The following PDE9A variants were observed in gnomAD, a reference collection of about 807,000 sequenced individuals.
PDE9A encodes phosphodiesterase 9A.
Under a neutral mutation model 87.4 loss-of-function variants are expected in PDE9A, and 60 were observed. That is an observed-to-expected ratio of 0.69 (90% CI 0.56 to 0.85). PDE9A has a LOEUF of 0.85. Among genes scored for constraint, PDE9A ranks in the 40% least tolerant of loss-of-function variants. PDE9A has a pLI of 0.00. For synonymous variants in PDE9A, 272 were observed against 279.4 expected (o/e 0.97, Z 0.27); for missense variants, 665 against 779.0 (o/e 0.85, Z 1.74).
At chr21:42,689,115 C>T (rs1383021576) in intron 3 of PDE9A, among the ~76,000 whole-genome samples, 2 of 149,948 alleles carry the variant, frequency 1.3e-5, no homozygotes, top group East Asian at 2.0e-4. Flanking sequence ...TCCCACTCAG[C>T]GAGGTCCCAG....
intron 3 of PDE9A, among the ~76,000 whole-genome samples, chr21:42,690,395 G>A (rs67390330): frequency 0.1 from 15,790 of 150,806 alleles, 1,148 homozygotes; most frequent in East Asian, 0.34. Context: ...GATCTAGACA[G>A]CGATGTGGAT....
At chr21:42,679,472 C>T (rs1311248521) in intron 1 of PDE9A, among the ~76,000 whole-genome samples, 1 of 152,138 alleles carries the variant, frequency 6.6e-6, no homozygotes, top group East Asian at 1.9e-4. Flanking sequence ...AAGCACCCCC[C>T]AGGAGCTGGA....
chr21:42,666,649 C>A (rs1007142683), intron 1 of PDE9A, among the ~76,000 whole-genome samples: 19 of 152,290 alleles, frequency 1.2e-4, no homozygotes, highest in African/African-American at 4.3e-4. Context: ...ACCTCCTCCC[C>A]GTGTCCATGC....
chr21:42,715,521 G>A (rs2049824870), intron 4 of PDE9A, among the ~76,000 whole-genome samples: 1 of 151,628 alleles, frequency 6.6e-6, no homozygotes, highest in Non-Finnish European at 1.5e-5. Flanking sequence ...CAACTACTTG[G>A]CAGGGGAATC....
At chr21:42,674,355 G>A (rs1366363142) in intron 1 of PDE9A, among the ~76,000 whole-genome samples, 1 of 144,354 alleles carries the variant, frequency 6.9e-6, no homozygotes, top group Admixed American at 7.0e-5. Context: ...TCCATTTGTG[G>A]CCCAGGCTGG....
intron 1 of PDE9A, among the ~76,000 whole-genome samples, chr21:42,667,531 A>AGTGGTGAG (rs2058090528): frequency 6.6e-6 from 1 of 151,890 alleles, no homozygotes; most frequent in Admixed American, 6.6e-5. Flanking sequence ...AAAGGAAGAG[A>AGTGGTGAG]GTGGTGAGGA....
rs1003438856 is a variant in PDE9A at position 42,722,267 on chromosome 21, T to C, written c.263-9503T>C. 6.6e-6 allele frequency among the ~76,000 whole-genome samples: 1 copy of C among 152,202 alleles called. No homozygotes were observed. The highest frequency in any genetic ancestry group is 1.5e-5 in the Non-Finnish European group (1 of 68,028). On this transcript the variant is annotated intron_variant, in intron 4 of 19. Transcript: ENST00000291539. This position sits in a 1 kb window ranked among gnomAD's most constrained non-coding sequence, Gnocchi z 4.1. ...CTGAGATTACAGGCGTGAGCCACCA[T>C]GCCCGTCCAGCAGAGGTATTTTTTC...
At chr21:42,737,754 G>A (rs900329516) in intron 7 of PDE9A, among the ~76,000 whole-genome samples, 1 of 152,198 alleles carries the variant, frequency 6.6e-6, no homozygotes, top group Non-Finnish European at 1.5e-5. Context: ...CATTGTGCCC[G>A]GCCAAGCTGT....
At chr21:42,731,721 A>G (rs1222182645) in intron 4 of PDE9A, 49 bp from the exon 5 acceptor site, 5 of 1,565,756 alleles carry the variant, frequency 3.2e-6, no homozygotes, top group Non-Finnish European at 4.3e-6. Context: ...CTGGACACTA[A>G]GAGGAAACTT....
At chr21:42,690,073 C>A in intron 3 of PDE9A, 3 of 984,862 alleles carry the variant, frequency 3.0e-6, no homozygotes, top group Non-Finnish European at 3.6e-6. Context: ...TGGAGGTAGA[C>A]GCGGGTGAGG....
At chr21:42,732,305 G>A (rs2051882725) in intron 6 of PDE9A, among the ~76,000 whole-genome samples, 181 bp downstream of exon 6, 1 of 152,206 alleles carries the variant, frequency 6.6e-6, no homozygotes, top group African/African-American at 2.4e-5. Context: ...CAGCTTGGAT[G>A]GGGCCCAGGA....
At chr21:42,769,684 GCACACACATA>G (rs907637941) in intron 17 of PDE9A, among the ~76,000 whole-genome samples, 3 of 41,952 alleles carry the variant, frequency 7.2e-5, no homozygotes, top group Non-Finnish European at 1.2e-4. Context: ...GCACACACAG[GCACACACATA>G]CACACATGCA....
intron 4 of PDE9A, among the ~76,000 whole-genome samples, chr21:42,724,184 C>A (rs989706511): frequency 9.2e-5 from 14 of 152,140 alleles, no homozygotes; most frequent in Non-Finnish European, 1.8e-4. Flanking sequence ...CCGGAGCGCA[C>A]CCTGTCACCC....
At chr21:42,670,331 CACAT>C in intron 1 of PDE9A, among the ~76,000 whole-genome samples, 1 of 104,298 alleles carries the variant, frequency 9.6e-6, no homozygotes, top group South Asian at 2.7e-4. Context: ...CACATTCACA[CACAT>C]TCACATACAT....
rs1263992909 is a variant in PDE9A at position 42,775,354 on chromosome 21, T to C, written c.*61T>C. The C allele has an allele frequency of 5.8e-6, 9 of 1,549,866 alleles. No homozygotes were observed. The highest frequency in any genetic ancestry group is 1.7e-4 in the Middle Eastern group (1 of 5,894). ...CTGGCCGAGCTGCGCGGGATCCTTG[T>C]GCAGGGAAGAGCTGCCCTGGGCACC... On this transcript the variant is annotated 3_prime_UTR_variant, in exon 20 of 20. Transcript: ENST00000291539.
chr21:42,774,242 G>C (rs571139642), intron 19 of PDE9A, among the ~76,000 whole-genome samples: 1 of 152,162 alleles, frequency 6.6e-6, no homozygotes, highest in Non-Finnish European at 1.5e-5. Context: ...AGGACAAACG[G>C]GACATGGCTC....
At chr21:42,654,261 G>C (rs1409988945) in intron 1 of PDE9A, among the ~76,000 whole-genome samples, 4 of 152,166 alleles carry the variant, frequency 2.6e-5, no homozygotes, top group Non-Finnish European at 4.4e-5. Flanking sequence ...GCCGCTTCCT[G>C]TCGCGCGGGG....
intron 1 of PDE9A, among the ~76,000 whole-genome samples, chr21:42,677,499 C>T (rs1001992127): frequency 5.9e-5 from 9 of 152,306 alleles, no homozygotes; most frequent in East Asian, 1.9e-4. Context: ...GCAGAGAGGG[C>T]GCTGTCTTAG....
chr21:42,656,222 A>T (rs936097315), intron 1 of PDE9A, among the ~76,000 whole-genome samples: 2 of 152,200 alleles, frequency 1.3e-5, no homozygotes, highest in African/African-American at 4.8e-5. Flanking sequence ...CCTGGGGGTC[A>T]CTGGGTGCAG....
Sources: gnomAD v4.1 joint callset for allele counts (sites outside exome capture counted in the v4.1 genomes callset) on GRCh38, gnomAD v4.1.1 for gene constraint, Gnocchi (gnomAD v3.1) non-coding constraint, MANE v1.5 for transcripts, NCBI Gene and HGNC (gene_info 2026-07-23, HGNC 2026-07-21) for gene names.